The following NEDD4L variants were observed in gnomAD, a reference collection of about 807,000 sequenced individuals.
NEDD4L encodes E3 ubiquitin-protein ligase NEDD4-like.
In NEDD4L, 54 loss-of-function variants were observed where a neutral mutation model predicts 148.9. That is an observed-to-expected ratio of 0.36 (90% CI 0.29 to 0.45). NEDD4L has a LOEUF of 0.45. Among genes scored for constraint, NEDD4L ranks in the 20% least tolerant of loss-of-function variants. The pLI is 1.00. For missense variants in NEDD4L, 856 were observed against 1,233.8 expected, an observed-to-expected ratio of 0.69 and a Z score of 4.59; for synonymous variants, 433 against 440.7, an observed-to-expected ratio of 0.98 and a Z score of 0.22.
chr18:58,076,331 A>G (rs1261698862), intron 1 of NEDD4L, among the ~76,000 whole-genome samples: 2 of 152,204 alleles, frequency 1.3e-5, no homozygotes, highest in Non-Finnish European at 2.9e-5. Flanking sequence ...TCCATTCGTA[A>G]TACATAATAG....
intron 2 of NEDD4L, among the ~76,000 whole-genome samples, chr18:58,229,316 G>A (rs1047735288): frequency 6.6e-6 from 1 of 152,166 alleles, no homozygotes; most frequent in African/African-American, 2.4e-5. Flanking sequence ...AAGGAGCCAC[G>A]CTGCAGGTAG....
Position 58,330,837 on chromosome 18 carries a change from C to T in NEDD4L, c.913C>T (p.Gln305Ter). 1.2e-6 allele frequency: 2 copies of T among 1,613,968 alleles called. No individual in the cohort carries two copies. The highest frequency in any genetic ancestry group is 1.7e-6 in the Non-Finnish European group (2 of 1,179,860). Reference sequence around the variant, plus strand: ...CTCCCCAGGATCTCGGACCAGCCCTCAGGAGCTGTCAGAGGAACTAAGCAG... The same window carrying T: ...CTCCCCAGGATCTCGGACCAGCCCTTAGGAGCTGTCAGAGGAACTAAGCAG... ...PASPGSRTSPQELSEELSRRL... is the reference protein window; with the variant it reads ...PASPGSRTSP Residue 305 changes from glutamine to a stop codon, truncating the protein, a stop_gained, in exon 11 of 31, where the codon CAG (glutamine) becomes TAG (stop). Transcript: ENST00000400345. LOFTEE classifies it high-confidence loss of function.
intron 5 of NEDD4L, among the ~76,000 whole-genome samples, chr18:58,258,792 C>T (rs776520098): frequency 3.3e-5 from 5 of 152,164 alleles, no homozygotes; most frequent in Non-Finnish European, 7.4e-5. Flanking sequence ...AAAGTGGTCA[C>T]ATAACAAAAC....
At chr18:58,125,971 A>G (rs1235778384) in intron 1 of NEDD4L, among the ~76,000 whole-genome samples, 2 of 152,198 alleles carry the variant, frequency 1.3e-5, no homozygotes, top group East Asian at 1.9e-4. Context: ...GCACGCACCA[A>G]ACGGGTTCCA....
Position 58,325,339 on chromosome 18 carries a change from T to C in NEDD4L, c.680+177T>C, listed in dbSNP as rs142123187. 2.0e-4 allele frequency among the ~76,000 whole-genome samples: 31 copies of C among 152,394 alleles called. 1 individual carries two copies. The highest frequency in any genetic ancestry group is 5.8e-4 in the African/African-American group (24 of 41,594). Reference sequence around the variant, plus strand: ...AGCATGCAAGAGCAGTCAGAACTTGTATATTGTAAGCGATTGCCTTTGAGT... The same window carrying C: ...AGCATGCAAGAGCAGTCAGAACTTGCATATTGTAAGCGATTGCCTTTGAGT... On this transcript the variant is annotated intron_variant, in intron 9 of 30. Transcript: ENST00000400345.
chr18:58,143,403 T>G (rs1167419873), intron 1 of NEDD4L, among the ~76,000 whole-genome samples: 2 of 152,232 alleles, frequency 1.3e-5, no homozygotes, highest in Non-Finnish European at 2.9e-5. Context: ...CCTAGACATT[T>G]CTGTGATTCT....
Position 58,387,426 on chromosome 18 carries a change from T to C in NEDD4L, c.2488-13T>C, listed in dbSNP as rs1348220041. On this transcript the variant is annotated splice_polypyrimidine_tract_variant and intron_variant, in intron 26 of 30. Transcript: ENST00000400345. Reference sequence around the variant, plus strand: ...GCAATAGGTGTTTAAGATGTTTTTTTTTTTTCTTTCAGGGATTCACAGAAC... The same window carrying C: ...GCAATAGGTGTTTAAGATGTTTTTTCTTTTTCTTTCAGGGATTCACAGAAC... 6.6e-7 allele frequency: 1 copy of C among 1,526,498 alleles called. No individual in the cohort carries two copies. The highest frequency in any genetic ancestry group is 1.4e-5 in the African/African-American group (1 of 71,372). The allele number at this position is 1,526,498 out of a possible 1,614,324, so 94.6% of individuals were successfully genotyped here. A position where few individuals can be genotyped will look rare whatever the true frequency, so the allele number is the denominator to read the frequency against.
At chr18:58,298,948 G>A (rs2056081724) in intron 5 of NEDD4L, among the ~76,000 whole-genome samples, 1 of 152,206 alleles carries the variant, frequency 6.6e-6, no homozygotes. Context: ...CCATCACATT[G>A]AATTGATGAC....
chr18:58,368,035 G>A (rs2046342369), intron 22 of NEDD4L, among the ~76,000 whole-genome samples, 168 bp downstream of exon 22: 1 of 152,076 alleles, frequency 6.6e-6, no homozygotes. Context: ...CTTATTTTGG[G>A]CACTGAAGAC....
chr18:58,342,131 T>G (rs141749318), intron 15 of NEDD4L, among the ~76,000 whole-genome samples: 1 of 152,384 alleles, frequency 6.6e-6, no homozygotes, highest in African/African-American at 2.4e-5. Context: ...GTAATCCCTC[T>G]TTCAAATACC....
At chr18:58,196,444 G>A (rs1287072972) in intron 2 of NEDD4L, among the ~76,000 whole-genome samples, 2 of 152,272 alleles carry the variant, frequency 1.3e-5, no homozygotes, top group South Asian at 2.1e-4. Context: ...ATGGATAAAC[G>A]TGCAGTTAGG....
rs193196862 is a variant in NEDD4L at position 58,238,021 on chromosome 18, G to A, written c.123-7406G>A. Among the ~76,000 whole-genome samples, 808 of 152,370 alleles carry A rather than the reference G, an allele frequency of 5.3e-3. 2 individuals carry two copies. The highest frequency in any genetic ancestry group is 8.6e-3 in the Non-Finnish European group (587 of 68,036). On this transcript the variant is annotated intron_variant, in intron 2 of 30. Transcript: ENST00000400345. ...GCATCCAAAAGTGTGTTCTTCGGCAGCTTCAGAGACTATGCCTAAGCAATA... is the reference window on the plus strand; with the variant it reads ...GCATCCAAAAGTGTGTTCTTCGGCAACTTCAGAGACTATGCCTAAGCAATA...
rs776952438 is a variant in NEDD4L at position 58,322,499 on chromosome 18, G to T, written c.410+13G>T. 9 of 1,310,866 alleles carry T rather than the reference G, an allele frequency of 6.9e-6. No individual in the cohort carries two copies. The Admixed American group carries it at 1.4e-4, about 20-fold the overall frequency. The allele number at this position is 1,310,866 out of a possible 1,614,324, so 81.2% of individuals were successfully genotyped here. A position where few individuals can be genotyped will look rare whatever the true frequency, so the allele number is the denominator to read the frequency against. ...TCAGACCAAGAAGGTGAGGCTTGTGGGTATGGGTGGGTGGGGATGCCTGCC... is the reference window on the plus strand; with the variant it reads ...TCAGACCAAGAAGGTGAGGCTTGTGTGTATGGGTGGGTGGGGATGCCTGCC... On this transcript the variant is annotated intron_variant, in intron 7 of 30. Transcript: ENST00000400345.
At chr18:58,137,672 A>T (rs1362546106) in intron 1 of NEDD4L, among the ~76,000 whole-genome samples, 1 of 152,084 alleles carries the variant, frequency 6.6e-6, no homozygotes, top group African/African-American at 2.4e-5. Flanking sequence ...TTGAATTTTC[A>T]AACTTGATTT....
intron 2 of NEDD4L, among the ~76,000 whole-genome samples, chr18:58,243,935 TC>T (rs1201769769): frequency 2.6e-5 from 4 of 152,228 alleles, no homozygotes; most frequent in African/African-American, 9.6e-5. Flanking sequence ...TTCAGATACA[TC>T]TTATGGGTAA....
rs1222777984 is a variant in NEDD4L at position 58,400,837 on chromosome 18, A to G, written c.*4568A>G. ...TCAGACTGATTTCACCTAGATTGTC[A>G]CGGTTTCCTTCATGTTAACTTTGCG... On this transcript the variant is annotated 3_prime_UTR_variant, in exon 31 of 31. Transcript: ENST00000400345. The G allele has an allele frequency of 6.6e-6, 1 of 152,200 alleles. No individual in the cohort carries two copies. Among genetic ancestry groups the G allele is most frequent in the Non-Finnish European group, 1.5e-5 (1 of 68,044 alleles). 9.4% of individuals were successfully genotyped at this position (152,200 alleles called of 1,614,324 possible).
chr18:58,330,360 G>A (rs1601334462), intron 10 of NEDD4L, among the ~76,000 whole-genome samples: 1 of 152,320 alleles, frequency 6.6e-6, no homozygotes, highest in East Asian at 1.9e-4. Context: ...AGAAGTGTGT[G>A]TGTGTGTTTG....
rs1035148663 is a variant in NEDD4L, at chr18:58,231,141, C to A, written c.123-14286C>A. 2.0e-5 allele frequency among the ~76,000 whole-genome samples: 3 copies of A among 150,624 alleles called. No homozygotes were observed. The South Asian group carries it at 6.3e-4, about 31-fold the overall frequency. On this transcript the variant is annotated intron_variant, in intron 2 of 30. Coordinates refer to ENST00000400345, the MANE Select transcript of NEDD4L (RefSeq NM_001144967.3). ...CAGCATGCCCATAGTCCCAGCTACT[C>A]ACAGGGGCTGAGGTGGGAGAATTGC...
At chr18:58,279,229 GC>G (rs2052625081) in intron 5 of NEDD4L, among the ~76,000 whole-genome samples, 1 of 152,136 alleles carries the variant, frequency 6.6e-6, no homozygotes, top group Non-Finnish European at 1.5e-5. Flanking sequence ...AAGTGATACA[GC>G]CCCTGCCCCC....
Sources: allele counts gnomAD v4.1 joint callset (sites outside exome capture counted in the v4.1 genomes callset), GRCh38; gene constraint gnomAD v4.1.1; transcripts MANE v1.5; gene names NCBI Gene and HGNC (gene_info 2026-07-23, HGNC 2026-07-21).